LPIN1: variants seen among roughly 807,000 people sequenced by gnomAD.
LPIN1 encodes lipin 1.
Under a neutral mutation model 107.5 loss-of-function variants are expected in LPIN1, and 71 were observed. That is an observed-to-expected ratio of 0.66 (90% confidence interval 0.55 to 0.80). The LOEUF (loss-of-function observed/expected upper bound fraction) is 0.80, where lower values mean the gene tolerates loss of function less well. LPIN1 is among the 30% of genes least tolerant of loss of function. LPIN1 has a pLI of 0.00. For synonymous variants in LPIN1, 445 were observed against 452.6 expected (o/e 0.98, Z 0.21); for missense variants, 1,043 against 1,160.6 (o/e 0.90, Z 1.47).
At chr2:11,752,721 G>A (rs1033789192) in intron 1 of LPIN1, among the ~76,000 whole-genome samples, 1 of 152,006 alleles carries the variant, frequency 6.6e-6, no homozygotes, top group Non-Finnish European at 1.5e-5. Context: ...GTGAGCCACC[G>A]CGCCCGGCCT....
At position 11,815,240 on chromosome 2, in the gene LPIN1, G is replaced by A. The variant is rs760028121; in HGVS notation, c.2402G>A (p.Arg801Lys). Residue 801 changes from arginine (R) to lysine (K), a missense_variant and splice_region_variant, in exon 18 of 21, where the codon AGA becomes AAA. Arg to Lys is a conservative substitution (Grantham distance 26). Transcript: ENST00000674199. Reference sequence around the variant, plus strand: ...AGCAGCCTCTTCTCTGCCCTGCACAGGTACCAGGCCTGCTCCCTGCACCTC... The same window carrying A: ...AGCAGCCTCTTCTCTGCCCTGCACAAGTACCAGGCCTGCTCCCTGCACCTC... ...SPSSLFSALH[R>K]EVIEKKPEKF... 1 of 1,613,928 alleles carries A rather than the reference G, an allele frequency of 6.2e-7. No homozygotes were observed. Among genetic ancestry groups the A allele is most frequent in the South Asian group, 1.1e-5 (1 of 91,080 alleles).
At chr2:11,714,515 G>A (rs1238222234) in intron 2 of LPIN1, among the ~76,000 whole-genome samples, 1 of 152,152 alleles carries the variant, frequency 6.6e-6, no homozygotes, top group Non-Finnish European at 1.5e-5. Context: ...CCCAGAGGTG[G>A]TCCCAAACTC....
rs533719952 is a variant in LPIN1 at position 11,733,483 on chromosome 2, TTCTC to T, written c.-71-7852_-71-7849del. Among the ~76,000 whole-genome samples, 293 of 150,228 alleles carry T rather than the reference TTCTC, an allele frequency of 2.0e-3. 1 individual carries two copies. Among genetic ancestry groups the T allele is most frequent in the African/African-American group, 4.8e-3 (195 of 40,492 alleles). ...TGCATGACTCTTTACTGTGTTTTCT[TTCTC>T]TCTCTCTCTCTCTTTTTTTTTTTTT... On this transcript the variant is annotated intron_variant, in intron 1 of 21. Transcript: ENST00000396097.
upstream of LPIN1, chr2:11,721,965 G>A (rs1259154618): frequency 1.3e-5 from 2 of 152,278 alleles, no homozygotes; most frequent in African/African-American, 4.8e-5. Flanking sequence ...GTTGCTCAGG[G>A]TGGGAGACAG....
At position 11,716,009 on chromosome 2, in the gene LPIN1, G is replaced by A. The variant is rs565407118; in HGVS notation, c.138+2197G>A. Among the ~76,000 whole-genome samples, 20 of 152,244 alleles carry A rather than the reference G, an allele frequency of 1.3e-4. No homozygotes were observed. In the East Asian group the frequency reaches 3.9e-3, roughly 29 times the overall value. Reference sequence around the variant, plus strand: ...GGACCTGGAGGCAGGGGGGCAGCTTGGGGTCCACTGTTAGCCTGGCTGAGT... The same window carrying A: ...GGACCTGGAGGCAGGGGGGCAGCTTAGGGTCCACTGTTAGCCTGGCTGAGT... On this transcript the variant is annotated intron_variant, in intron 2 of 21. Transcript: ENST00000449576.
chr2:11,761,943 TA>T (rs1669901887), intron 1 of LPIN1, among the ~76,000 whole-genome samples: 2 of 152,122 alleles, frequency 1.3e-5, no homozygotes, highest in African/African-American at 2.4e-5. Flanking sequence ...TGGGTGCCTA[TA>T]ATTCAATTCA....
chr2:11,812,752 G>T (rs1286731128), intron 17 of LPIN1, among the ~76,000 whole-genome samples: 4 of 152,198 alleles, frequency 2.6e-5, no homozygotes, highest in Non-Finnish European at 5.9e-5. Context: ...GTGAGAGGTT[G>T]CAGCCTCAGG....
At chr2:11,691,552 C>A (rs1162282822) in intron 1 of LPIN1, among the ~76,000 whole-genome samples, 1 of 152,198 alleles carries the variant, frequency 6.6e-6, no homozygotes, top group Non-Finnish European at 1.5e-5. Context: ...CAGCTCCATT[C>A]ACCATGCACA....
intron 1 of LPIN1, among the ~76,000 whole-genome samples, chr2:11,761,198 AAC>A (rs1669770485): frequency 6.6e-6 from 1 of 152,230 alleles, no homozygotes; most frequent in Admixed American, 6.5e-5. Flanking sequence ...TCTCTTACCA[AAC>A]ACACGTTAAA....
At chr2:11,779,328 T>C (rs1673170249) in intron 6 of LPIN1, among the ~76,000 whole-genome samples, 191 bp from the exon 7 acceptor site, 1 of 152,164 alleles carries the variant, frequency 6.6e-6, no homozygotes, top group African/African-American at 2.4e-5. Flanking sequence ...GCGACCCACG[T>C]GGAGCGCCTT....
In LPIN1 at chr2:11,765,190, C is replaced by CCG. The variant is rs1670608577; in HGVS notation, c.-9-343_-9-342insCG. ...ACGGGCCGTGATGGACCCTGATGGG[C>CCG]TGTGATGGTCCGTGATGGGCCATGA... On this transcript the variant is annotated intron_variant, in intron 1 of 20. Transcript: ENST00000674199. This position sits in a 1 kb window ranked among gnomAD's most constrained non-coding sequence, Gnocchi z 4.4. Among the ~76,000 whole-genome samples the CCG allele has an allele frequency of 6.6e-6, 1 of 151,394 alleles. No individual in the cohort carries two copies. Among genetic ancestry groups the CCG allele is most frequent in the South Asian group, 2.1e-4 (1 of 4,792 alleles).
upstream of LPIN1, among the ~76,000 whole-genome samples, chr2:11,746,282 C>T (rs1323952588): frequency 6.6e-6 from 1 of 152,218 alleles, no homozygotes; most frequent in African/African-American, 2.4e-5. Context: ...CGCGGCCAGG[C>T]CCTGGGTGGT....
At chr2:11,820,543 A>T in intron 20 of LPIN1, 29 bp downstream of exon 20, 1 of 1,484,514 alleles carries the variant, frequency 6.7e-7, no homozygotes, top group African/African-American at 1.4e-5. Flanking sequence ...TTATGTGATT[A>T]TGATATCAGT....
At chr2:11,777,723 C>T (rs901894607) in intron 6 of LPIN1, among the ~76,000 whole-genome samples, 4 of 152,164 alleles carry the variant, frequency 2.6e-5, no homozygotes, top group East Asian at 3.8e-4. Flanking sequence ...GTTTGCCGAC[C>T]CCTGTTCGGA....
intron 1 of LPIN1, among the ~76,000 whole-genome samples, chr2:11,759,301 C>T (rs896552785): frequency 5.9e-5 from 9 of 152,040 alleles, no homozygotes; most frequent in African/African-American, 2.2e-4. Flanking sequence ...ACAAAGGTCT[C>T]TGGTTTTCCT....
intron 2 of LPIN1, 117 bp from the exon 3 acceptor site, chr2:11,767,646 G>A: frequency 1.3e-6 from 1 of 741,412 alleles, no homozygotes; most frequent in South Asian, 1.4e-5. Flanking sequence ...TGGGAGTTGT[G>A]TGGCACTTCA....
intron 20 of LPIN1, among the ~76,000 whole-genome samples, chr2:11,821,193 T>TTCTGG (rs1558314379): frequency 6.6e-6 from 1 of 152,204 alleles, no homozygotes; most frequent in African/African-American, 2.4e-5. Flanking sequence ...ACTACACCTC[T>TTCTGG]TCTGGTCTGG....
chr2:11,783,713 TTGAG>T, intron 8 of LPIN1, 112 bp from the exon 9 acceptor site: 1 of 866,488 alleles, frequency 1.2e-6, no homozygotes, highest in Admixed American at 1.7e-5. Context: ...CTTGGGCAGT[TTGAG>T]TACCTGGGAG....
At chr2:11,704,009 G>A (rs1353831110) in intron 1 of LPIN1, among the ~76,000 whole-genome samples, 1 of 152,170 alleles carries the variant, frequency 6.6e-6, no homozygotes, top group Non-Finnish European at 1.5e-5. Context: ...TGGCTGGAAG[G>A]CTCACCTGGG....
Sources: allele counts gnomAD v4.1 joint callset (sites outside exome capture counted in the v4.1 genomes callset), GRCh38; gene constraint gnomAD v4.1.1; non-coding constraint Gnocchi (gnomAD v3.1); transcripts MANE v1.5; gene names NCBI Gene and HGNC (gene_info 2026-07-23, HGNC 2026-07-21).